Variants in IDH1 observed in about 807,000 individuals in gnomAD.
The protein encoded by IDH1 is isocitrate dehydrogenase (NADP(+)) 1, also known as isocitrate dehydrogenase [NADP] cytoplasmic.
IDH1 carries 33 observed loss-of-function variants against 46.1 expected under a neutral mutation model. The ratio of observed to expected loss-of-function variants is 0.72; its 90% CI spans 0.54 to 0.96. The LOEUF is 0.96. IDH1 is among the 40% of genes least tolerant of loss of function. IDH1 has a pLI of 0.00. For missense variants in IDH1, 421 were observed against 515.7 expected (o/e 0.82, Z 1.78); for synonymous variants, 144 against 172.8 (o/e 0.83, Z 1.31).
intron 5 of IDH1, among the ~76,000 whole-genome samples, chr2:208,244,197 T>C (rs1025777277): frequency 1.3e-5 from 2 of 152,248 alleles, no homozygotes; most frequent in South Asian, 2.1e-4. Context: ...GATACACCTA[T>C]TGTCTGTTTG....
At position 208,244,079 on chromosome 2, in the gene IDH1, C is replaced by T. The variant is rs150466080; in HGVS notation, c.521-475G>A. On this transcript the variant is annotated intron_variant, in intron 5 of 9. Transcript: ENST00000345146. ...CCTTATGAATGGCTTAGGACCATCC[C>T]CTTTGGTGATTACGTGAGTTCTCGC... Among the ~76,000 whole-genome samples the T allele has an allele frequency of 2.6e-3, 400 of 152,308 alleles. 1 individual carries two copies. Among genetic ancestry groups the T allele is most frequent in the African/African-American group, 8.7e-3 (363 of 41,558 alleles).
chr2:208,240,172 C>T (rs944379194), intron 7 of IDH1, 169 bp from the exon 8 acceptor site: 1 of 714,638 alleles, frequency 1.4e-6, no homozygotes, highest in African/African-American at 1.7e-5. Flanking sequence ...GATCCCCGCT[C>T]CAGATATCAG....
chr2:208,246,904 C>G (rs139404756), intron 4 of IDH1, among the ~76,000 whole-genome samples: 1 of 152,146 alleles, frequency 6.6e-6, no homozygotes, highest in Admixed American at 6.5e-5. Context: ...GATCACACCA[C>G]TGCACTCCAG....
chr2:208,239,720 A>G, intron 8 of IDH1, 143 bp downstream of exon 8: 2 of 799,762 alleles, frequency 2.5e-6, no homozygotes. Context: ...TTTAAGAAGC[A>G]TATTCAAATA....
chr2:208,249,788 A>G (rs1688089764), intron 3 of IDH1, among the ~76,000 whole-genome samples: 1 of 152,200 alleles, frequency 6.6e-6, no homozygotes, highest in South Asian at 2.1e-4. Flanking sequence ...TCGACTTTAG[A>G]TAATTCATAT....
intron 9 of IDH1, among the ~76,000 whole-genome samples, chr2:208,237,652 G>A (rs948286136): frequency 6.6e-6 from 1 of 152,024 alleles, no homozygotes; most frequent in African/African-American, 2.4e-5. Context: ...CGGGCCTGGT[G>A]GCTCACGCCT....
At chr2:208,240,214 C>T in intron 7 of IDH1, 2 of 599,786 alleles carry the variant, frequency 3.3e-6, no homozygotes, top group Admixed American at 2.4e-5. Flanking sequence ...TGCATTTTCC[C>T]CTCACTTATT....
Position 208,245,472 on chromosome 2 carries a change from G to C in IDH1, c.415-48C>G, listed in dbSNP as rs770397598. On this transcript the variant is annotated intron_variant, in intron 4 of 9. Coordinates refer to ENST00000345146, the MANE Select transcript of IDH1 (RefSeq NM_005896.4). ...TAAAGAAAAAAAAAATACCCTAGCA[G>C]GAATTGTAAGGAGAATATTCATATA... is the stretch of plus-strand genomic sequence containing the variant. The C allele has an allele frequency of 4.1e-5, 40 of 975,406 alleles. No individual in the cohort carries two copies. In the South Asian group the frequency reaches 4.6e-4, roughly 11 times the overall value. The allele number at this position is 975,406 out of a possible 1,614,324, so 60.4% of individuals were successfully genotyped here.
intron 8 of IDH1, 56 bp from the exon 9 acceptor site, chr2:208,239,289 C>A: frequency 6.4e-7 from 1 of 1,572,320 alleles, no homozygotes; most frequent in South Asian, 1.1e-5. Flanking sequence ...TAGAGGTTTC[C>A]AAATGTCTCA....
At chr2:208,247,134 G>T (rs1688038360) in intron 4 of IDH1, among the ~76,000 whole-genome samples, 1 of 152,144 alleles carries the variant, frequency 6.6e-6, no homozygotes, top group African/African-American at 2.4e-5. Flanking sequence ...GTGGAACAAA[G>T]TTAACTGACC....
At chr2:208,242,242 A>G (rs934814270) in intron 6 of IDH1, 97 bp from the exon 7 acceptor site, 1 of 1,135,868 alleles carries the variant, frequency 8.8e-7, no homozygotes, top group Non-Finnish European at 1.3e-6. Context: ...GACACACAAG[A>G]AGCAGCATAT....
chr2:208,244,508 T>C (rs1687981309), intron 5 of IDH1, among the ~76,000 whole-genome samples: 1 of 152,226 alleles, frequency 6.6e-6, no homozygotes, highest in Non-Finnish European at 1.5e-5. Flanking sequence ...CCTACTGTAG[T>C]TGGTAGAAAT....
chr2:208,245,785 C>CG (rs1205096727), intron 4 of IDH1, among the ~76,000 whole-genome samples: 2 of 39,986 alleles, frequency 5.0e-5, no homozygotes, highest in Admixed American at 3.0e-4. Flanking sequence ...TTAGACCCCC[C>CG]CCCCAAAAAA....
Position 208,243,484 on chromosome 2 carries a change from G to T in IDH1, c.641C>A (p.Thr214Asn). 6.2e-7 allele frequency: 1 copy of T among 1,613,952 alleles called. No homozygotes were observed. The highest frequency in any genetic ancestry group is 8.5e-7 in the Non-Finnish European group (1 of 1,179,862). ...ACGCCCATCATATTTCTTCAGAATA[G>T]TGTTTTTGGTGCTCAGATACAAAGG... is the stretch of plus-strand genomic sequence containing the variant. ...GWPLYLSTKN[T>N]ILKKYDGRFK... The change falls in exon 6 of 10, where the codon ACT becomes AAT. Residue 214 changes from threonine (T) to asparagine (N), a missense_variant. Physicochemically the swap from Thr to Asn is moderately conservative, Grantham distance 65 (BLOSUM62 0). Transcript: ENST00000345146.
rs1048933669 is a variant in IDH1, at chr2:208,248,509, A to C, written c.274T>G (p.Trp92Gly). 11 of 1,613,990 alleles carry C rather than the reference A, an allele frequency of 6.8e-6. No homozygotes were observed. Among genetic ancestry groups the C allele is most frequent in the Non-Finnish European group, 9.3e-6 (11 of 1,180,026 alleles). The change falls in exon 4 of 10, where the codon TGG (tryptophan) becomes GGG (glycine). Residue 92 changes from tryptophan (W) to glycine (G), a missense_variant. By Grantham distance (184) the Trp-to-Gly change is radical. Coordinates refer to ENST00000345146, the MANE Select transcript of IDH1 (RefSeq NM_005896.4). ...CGTATGGTGCCATTTGGTGATTTCC[A>C]CATTTGTTTCAACTTGAACTCCTCA... ...RVEEFKLKQM[W>G]KSPNGTIRNI...
intron 5 of IDH1, among the ~76,000 whole-genome samples, chr2:208,244,206 T>G (rs1687975624): frequency 6.6e-6 from 1 of 152,244 alleles, no homozygotes. Context: ...ATTGTCTGTT[T>G]GCCTTCTGCC....
rs1199739945 is a variant in IDH1 at position 208,251,416 on chromosome 2, G to C, written c.122+14C>G. 6.2e-7 allele frequency: 1 copy of C among 1,611,460 alleles called. No homozygotes were observed. Among genetic ancestry groups the C allele is most frequent in the African/African-American group, 1.3e-5 (1 of 74,644 alleles). ...CCTTTCTGAGTTTGCTACACGGAGG[G>C]GTAACTCATTTACCTATGTAGATCC... On this transcript the variant is annotated intron_variant, in intron 3 of 9. Transcript: ENST00000345146.
intron 2 of IDH1, among the ~76,000 whole-genome samples, chr2:208,251,926 T>C (rs1237384625): frequency 6.6e-6 from 1 of 152,202 alleles, no homozygotes; most frequent in Admixed American, 6.5e-5. Flanking sequence ...GTGCCCTTCA[T>C]AATGCAATCA....
intron 4 of IDH1, among the ~76,000 whole-genome samples, chr2:208,245,708 TAC>T (rs1352489504): frequency 5.3e-5 from 8 of 150,930 alleles, no homozygotes; most frequent in African/African-American, 1.5e-4. Flanking sequence ...TTAGGAAGTT[TAC>T]AACCCTATAA....
Sources: gnomAD v4.1 joint callset for allele counts (sites outside exome capture counted in the v4.1 genomes callset) on GRCh38, gnomAD v4.1.1 for gene constraint, MANE v1.5 for transcripts, NCBI Gene and HGNC (gene_info 2026-07-23, HGNC 2026-07-21) for gene names.